The following LTBP2 variants were observed in gnomAD, a reference collection of about 807,000 sequenced individuals.
LTBP2 encodes latent transforming growth factor beta binding protein 2.
In LTBP2, 103 loss-of-function variants were observed where a neutral mutation model predicts 210.6. The observed-to-expected ratio is 0.49, with a 90% confidence interval of 0.42 to 0.58. The LOEUF (loss-of-function observed/expected upper bound fraction) is 0.58. LTBP2 is among the 20% of genes least tolerant of loss of function. LTBP2 has a pLI of 0.00. For missense variants in LTBP2, 2,313 were observed against 2,494.5 expected (o/e 0.93, Z 1.55); for synonymous variants, 1,007 against 1,015.0 (o/e 0.99, Z 0.15).
intron 3 of LTBP2, among the ~76,000 whole-genome samples, chr14:74,582,920 A>G (rs1372083982): frequency 3.3e-5 from 5 of 152,052 alleles, no homozygotes; most frequent in Non-Finnish European, 7.4e-5. Context: ...GCCCTCTCCC[A>G]TCTCTCCAGG....
rs1466100825 is a variant in LTBP2 at position 74,510,566 on chromosome 14, A to T, written c.3029-353T>A. On this transcript the variant is annotated intron_variant, in intron 19 of 35. Coordinates refer to ENST00000261978, the MANE Select transcript of LTBP2 (RefSeq NM_000428.3). ...TTGTGTGTGCCAGGAACCCTACATG[A>T]CCTCCTACCGGCCAACCAAACAACC... Among the ~76,000 whole-genome samples the T allele has an allele frequency of 2.6e-5, 4 of 151,846 alleles. No homozygotes were observed. In the East Asian group the frequency reaches 7.7e-4, roughly 29 times the overall value.
rs2087288416 is a variant in LTBP2 at position 74,527,440 on chromosome 14, C to T, written c.2369-74G>A. ...CCTTCTCCCCTCACCGCCACCTGGG[C>T]GGCTTCACAGTCTGCGCCCCAGACC... On this transcript the variant is annotated intron_variant, in intron 12 of 35. Transcript: ENST00000261978. 54 of 1,543,928 alleles carry T rather than the reference C, an allele frequency of 3.5e-5. No homozygotes were observed. In the South Asian group the frequency reaches 5.4e-4, roughly 15 times the overall value.
At position 74,528,511 on chromosome 14, in the gene LTBP2, C is replaced by A. The variant is rs779035009; in HGVS notation, c.2340G>T (p.Trp780Cys). 1.9e-6 allele frequency: 3 copies of A among 1,612,162 alleles called. No homozygotes were observed. Among genetic ancestry groups the A allele is most frequent in the Admixed American group, 1.7e-5 (1 of 60,038 alleles). ...TGTCAGGGATGGTCCCGGCCTCAAG[C>A]CAGGTGTCCGTGACGACCCGGAGGG... is the stretch of plus-strand genomic sequence containing the variant. ...RQPLRVVTDT[W>C]LEAGTIPDKG... Residue 780 changes from tryptophan (W) to cysteine (C), a missense_variant, in exon 12 of 36, where the codon TGG becomes TGT. Trp to Cys is a radical substitution (Grantham distance 215). This residue lies in a region of LTBP2 where 1,867 missense variants were observed against 1,976.9 expected (regional missense o/e 0.94). Coordinates refer to ENST00000261978, the MANE Select transcript of LTBP2 (RefSeq NM_000428.3).
Position 74,551,231 on chromosome 14 carries a change from C to T in LTBP2, c.1519G>A (p.Val507Met), listed in dbSNP as rs761149592. Residue 507 changes from valine to methionine, a missense_variant, in exon 7 of 36, where the codon GTG becomes ATG. Coordinates refer to ENST00000261978, the MANE Select transcript of LTBP2 (RefSeq NM_000428.3). Reference sequence around the variant, plus strand: ...AGCCAGGGCGGGGGTCTGGTCTCCACGCTGTTCTCCACTAGGGCCTCCTCC... The same window carrying T: ...AGCCAGGGCGGGGGTCTGGTCTCCATGCTGTTCTCCACTAGGGCCTCCTCC... ...GVEEALVENS[V>M]ETRPPPWLPA... 36 of 1,613,038 alleles carry T rather than the reference C, an allele frequency of 2.2e-5. No individual in the cohort carries two copies. The highest frequency in any genetic ancestry group is 4.5e-5 in the East Asian group (2 of 44,878).
At chr14:74,537,824 G>A (rs1270717863) in intron 8 of LTBP2, among the ~76,000 whole-genome samples, 3 of 151,912 alleles carry the variant, frequency 2.0e-5, no homozygotes, top group Non-Finnish European at 2.9e-5. Flanking sequence ...GCGTGACCTC[G>A]GCTCACTGCA....
intron 10 of LTBP2, among the ~76,000 whole-genome samples, chr14:74,530,996 A>C (rs2087343105): frequency 6.6e-6 from 1 of 152,214 alleles, no homozygotes; most frequent in Non-Finnish European, 1.5e-5. Context: ...GCCGTCTGTG[A>C]GCCCTGGATC....
intron 3 of LTBP2, 76 bp from the exon 4 acceptor site, chr14:74,555,769 A>C: frequency 1.8e-6 from 2 of 1,128,596 alleles, no homozygotes; most frequent in Non-Finnish European, 1.2e-6. Flanking sequence ...CCAGCCACCC[A>C]CTCTCTGCCT....
chr14:74,549,865 G>A lies in LTBP2; in HGVS notation c.1787C>T (p.Pro596Leu). ...VTLCAPCPPR[P>L]ASPVIENGQL... ...TGACCTTGGACTCCAGCACTCACCT[G>A]GTCTGGGTGGGCATGGGGCACACAA... The change falls in exon 8 of 36, where the codon CCA becomes CTA. Residue 596 changes from proline (P) to leucine (L), a missense_variant and splice_region_variant. Pro to Leu is a moderately conservative substitution (Grantham distance 98). Coordinates refer to ENST00000261978, the MANE Select transcript of LTBP2 (RefSeq NM_000428.3). The A allele has an allele frequency of 6.2e-7, 1 of 1,613,146 alleles. No homozygotes were observed. The highest frequency in any genetic ancestry group is 8.5e-7 in the Non-Finnish European group (1 of 1,179,126).
At chr14:74,602,157 T>C (rs1265925610) in intron 2 of LTBP2, among the ~76,000 whole-genome samples, 1 of 151,970 alleles carries the variant, frequency 6.6e-6, no homozygotes, top group African/African-American at 2.4e-5. Flanking sequence ...GAGCCTGGAG[T>C]TCTGGAGTCA....
intron 17 of LTBP2, among the ~76,000 whole-genome samples, chr14:74,519,487 C>T (rs1455369974): frequency 6.6e-6 from 1 of 150,734 alleles, no homozygotes; most frequent in Non-Finnish European, 1.5e-5. Context: ...AATAATTTAT[C>T]TTATTGATAA....
intron 3 of LTBP2, among the ~76,000 whole-genome samples, chr14:74,561,624 ATT>A (rs1253668339): frequency 6.6e-6 from 1 of 152,148 alleles, no homozygotes; most frequent in Non-Finnish European, 1.5e-5. Context: ...TATTTTTGAA[ATT>A]TTTACAATAA....
At chr14:74,609,616 C>G (rs1218368953) in intron 1 of LTBP2, among the ~76,000 whole-genome samples, 1 of 152,154 alleles carries the variant, frequency 6.6e-6, no homozygotes, top group Admixed American at 6.5e-5. Context: ...GCACACCACC[C>G]TCACCTCCAG....
chr14:74,505,282 GA>G (rs1467550491), intron 28 of LTBP2, 108 bp from the exon 29 acceptor site: 13 of 1,277,128 alleles, frequency 1.0e-5, no homozygotes, highest in Non-Finnish European at 1.4e-5. Flanking sequence ...CTTTACAGTG[GA>G]AAAAATTCTG....
chr14:74,550,011 C>G, intron 7 of LTBP2, 46 bp from the exon 8 acceptor site: 1 of 1,246,380 alleles, frequency 8.0e-7, no homozygotes, highest in Non-Finnish European at 1.2e-6. Flanking sequence ...CCCTTCCCTC[C>G]CAGGCTGTGC....
chr14:74,529,079 C>T lies in LTBP2; in HGVS notation c.2031G>A (p.Ser677=), dbSNP rs774609093. ...ISMLQGLCYR[S]LGPGTCTLPL... ...GCAGGGTGCAGGTGCCGGGCCCCAGCGACCGGTAGCACAGTCCCTGCAGCA... is the reference window on the plus strand; with the variant it reads ...GCAGGGTGCAGGTGCCGGGCCCCAGTGACCGGTAGCACAGTCCCTGCAGCA... The change falls in exon 11 of 36, where the codon TCG becomes TCA. Residue 677 remains serine (S), a synonymous_variant. Transcript: ENST00000261978. 8.4e-6 allele frequency: 13 copies of T among 1,555,280 alleles called. No homozygotes were observed. Among genetic ancestry groups the T allele is most frequent in the Admixed American group, 1.9e-5 (1 of 51,422 alleles).
chr14:74,552,956 G>A lies in LTBP2; in HGVS notation c.1128C>T (p.Gly376=), dbSNP rs373903128. 2.2e-5 allele frequency: 35 copies of A among 1,613,870 alleles called. No individual in the cohort carries two copies. Among genetic ancestry groups the A allele is most frequent in the South Asian group, 6.6e-5 (6 of 91,042 alleles). Residue 376 remains glycine (G), a synonymous_variant, in exon 5 of 36, where the codon GGC becomes GGT. Transcript: ENST00000261978. ...CCTGGCTGTACAGGGTGGTGGTGTC[G>A]CCCCTCTCACAGCTGTTGGCACAGT... is the stretch of plus-strand genomic sequence containing the variant. ...RGHCANSCER[G]DTTTLYSQGG...
intron 18 of LTBP2, among the ~76,000 whole-genome samples, chr14:74,515,783 C>T (rs1291202991): frequency 6.6e-6 from 1 of 152,094 alleles, no homozygotes; most frequent in Non-Finnish European, 1.5e-5. Flanking sequence ...TTATCTCCAT[C>T]GTGCTAAGGA....
At chr14:74,537,800 G>A (rs946505329) in intron 8 of LTBP2, among the ~76,000 whole-genome samples, 32 of 152,204 alleles carry the variant, frequency 2.1e-4, no homozygotes, top group Middle Eastern at 3.4e-3. Context: ...TGTCGCACAG[G>A]CTGGAATGCA....
At chr14:74,603,364 T>G (rs2088475892) in intron 2 of LTBP2, among the ~76,000 whole-genome samples, 1 of 152,164 alleles carries the variant, frequency 6.6e-6, no homozygotes, top group Non-Finnish European at 1.5e-5. Flanking sequence ...CGACCTCAAG[T>G]GATCCACCCA....
Sources: gnomAD v4.1 joint callset for allele counts (sites outside exome capture counted in the v4.1 genomes callset) on GRCh38, gnomAD v4.1.1 for gene constraint, gnomAD v4.1.1 regional missense constraint, MANE v1.5 for transcripts, NCBI Gene and HGNC (gene_info 2026-07-23, HGNC 2026-07-21) for gene names.